The following MYH9 variants were observed in gnomAD, a reference collection of about 807,000 sequenced individuals.
MYH9 encodes myosin heavy chain 9, also known as myosin-9.
MYH9 carries 29 observed loss-of-function variants against 241.9 expected under a neutral mutation model. That is an observed-to-expected ratio of 0.12 (90% CI 0.09 to 0.16). MYH9 has a LOEUF of 0.16. MYH9 is among the 10% of genes least tolerant of loss of function. The pLI is 1.00. For synonymous variants in MYH9, 1,047 were observed against 1,062.6 expected, an observed-to-expected ratio of 0.99 and a Z score of 0.29; for missense variants, 1,803 against 2,595.5, an observed-to-expected ratio of 0.69 and a Z score of 6.63.
rs8138016 is a variant in MYH9, at chr22:36,306,103, G to A, written c.2038-52C>T. The A allele has an allele frequency of 0.016, 25,087 of 1,608,802 alleles. 378 individuals are homozygous for A. Among genetic ancestry groups the A allele is most frequent in the Middle Eastern group, 0.085 (517 of 6,056 alleles). On this transcript the variant is annotated intron_variant, in intron 16 of 40. Coordinates refer to ENST00000216181, the MANE Select transcript of MYH9 (RefSeq NM_002473.6). The surrounding 1 kb of genome is among the most constrained non-coding windows in gnomAD (Gnocchi z 4.1). Reference sequence around the variant, plus strand: ...TCTCACTTCCGTGCCTAGAACAGTCGGAGAATAGTCAGGGAACCCCTATGA... The same window carrying A: ...TCTCACTTCCGTGCCTAGAACAGTCAGAGAATAGTCAGGGAACCCCTATGA...
Position 36,352,760 on chromosome 22 carries a change from C to G in MYH9, c.-19-3505G>C, listed in dbSNP as rs182748375. ...AATGCATCCCACCAGGGACACCCCCCGCCTCCAAGGACCAAGGCTCCAGCT... is the reference window on the plus strand; with the variant it reads ...AATGCATCCCACCAGGGACACCCCCGGCCTCCAAGGACCAAGGCTCCAGCT... On this transcript the variant is annotated intron_variant, in intron 1 of 40. Coordinates refer to ENST00000216181, the MANE Select transcript of MYH9 (RefSeq NM_002473.6). Among the ~76,000 whole-genome samples, 39 of 152,340 alleles carry G rather than the reference C, an allele frequency of 2.6e-4. 1 individual carries two copies. The East Asian group carries it at 7.1e-3, about 28-fold the overall frequency.
rs774035987 is a variant in MYH9, at chr22:36,319,520, C to A, written c.1108+20G>T. ...CAAGCACCTGCCCCATTATTTCCAG[C>A]GAGAGGCCCCGGGTGTTACCTGTGT... On this transcript the variant is annotated intron_variant, in intron 10 of 40. Transcript: ENST00000216181. 2 of 1,612,590 alleles carry A rather than the reference C, an allele frequency of 1.2e-6. No homozygotes were observed. The highest frequency in any genetic ancestry group is 2.2e-5 in the South Asian group (2 of 91,014).
chr22:36,323,225 C>T (rs1338448781), intron 5 of MYH9, among the ~76,000 whole-genome samples: 1 of 152,214 alleles, frequency 6.6e-6, no homozygotes, highest in Non-Finnish European at 1.5e-5. Flanking sequence ...CGGGGCAGGA[C>T]AGAGCAGCCC....
chr22:36,372,907 G>A (rs973433864), intron 1 of MYH9, among the ~76,000 whole-genome samples: 18 of 151,930 alleles, frequency 1.2e-4, no homozygotes, highest in East Asian at 1.9e-4. Flanking sequence ...CTTGGAGGCC[G>A]AAAGAGGCAG....
chr22:36,327,342 G>A (rs1449396838), intron 4 of MYH9, 119 bp downstream of exon 4: 1 of 1,153,034 alleles, frequency 8.7e-7, no homozygotes, highest in Non-Finnish European at 1.3e-6. Flanking sequence ...AGTGGAGGAG[G>A]GGCCTTGAAT....
At position 36,298,980 on chromosome 22, in the gene MYH9, C is replaced by T. The variant is rs755319033; in HGVS notation, c.3039G>A (p.Glu1013=). 7.4e-6 allele frequency: 12 copies of T among 1,614,168 alleles called. No individual in the cohort carries two copies. The highest frequency in any genetic ancestry group is 3.3e-4 in the Middle Eastern group (2 of 6,062). ...EFTTNLTEEE[E]KSKSLAKLKN... ...TGAGCTTGGCGAGGCTCTTAGATTT[C>T]TCCTCCTCTTCTGTGAGGTTGGTGG... The change falls in exon 24 of 41, where the codon GAG becomes GAA. Residue 1013 remains glutamate (E), a synonymous_variant. Coordinates refer to ENST00000216181, the MANE Select transcript of MYH9 (RefSeq NM_002473.6).
rs368449674 is a variant in MYH9, at chr22:36,300,101, C to T, written c.2976+26G>A. 231 of 1,607,100 alleles carry T rather than the reference C, an allele frequency of 1.4e-4. 1 individual carries two copies. Among genetic ancestry groups the T allele is most frequent in the South Asian group, 7.4e-4 (67 of 91,082 alleles). On this transcript the variant is annotated intron_variant, in intron 23 of 40. Coordinates refer to ENST00000216181, the MANE Select transcript of MYH9 (RefSeq NM_002473.6). The surrounding 1 kb of genome is among the most constrained non-coding windows in gnomAD (Gnocchi z 5.0). ...CCCATCCACGGCGCCCCTGGAGCAGCGGCAGGCGACAGCCACGGGCCTCAC... is the reference window on the plus strand; with the variant it reads ...CCCATCCACGGCGCCCCTGGAGCAGTGGCAGGCGACAGCCACGGGCCTCAC...
chr22:36,284,651 G>A, intron 38 of MYH9, 140 bp from the exon 39 acceptor site: 1 of 789,874 alleles, frequency 1.3e-6, no homozygotes, highest in East Asian at 2.7e-5. Context: ...AGACACCTAT[G>A]TGTACCCGGC....
At chr22:36,297,075 T>C (rs191901711) in intron 24 of MYH9, 61 bp from the exon 25 acceptor site, 1 of 1,576,814 alleles carries the variant, frequency 6.3e-7, no homozygotes, top group East Asian at 2.2e-5. Flanking sequence ...CCGTGTCAAT[T>C]ACTTATACAA....
chr22:36,290,840 C>A (rs1411089702), intron 31 of MYH9, among the ~76,000 whole-genome samples: 1 of 151,900 alleles, frequency 6.6e-6, no homozygotes, highest in East Asian at 1.9e-4. Flanking sequence ...CCAGTGGCGA[C>A]CCCGTCTGGG....
At chr22:36,370,519 A>G (rs2018073586) in intron 1 of MYH9, among the ~76,000 whole-genome samples, 1 of 152,270 alleles carries the variant, frequency 6.6e-6, no homozygotes, top group Non-Finnish European at 1.5e-5. Context: ...CGCTGGGAAC[A>G]GTGGCATAAG....
intron 13 of MYH9, 29 bp downstream of exon 13, chr22:36,314,116 T>A: frequency 6.2e-7 from 1 of 1,607,088 alleles, no homozygotes; most frequent in Non-Finnish European, 8.5e-7. Context: ...CAGAGGCAGG[T>A]GTGAGGTCAA....
At chr22:36,343,407 G>A (rs769399581) in intron 2 of MYH9, among the ~76,000 whole-genome samples, 8 of 151,966 alleles carry the variant, frequency 5.3e-5, no homozygotes, top group South Asian at 2.1e-4. Flanking sequence ...AATTAGCTGC[G>A]TGTGGTGGCA....
intron 11 of MYH9, among the ~76,000 whole-genome samples, chr22:36,317,689 C>G (rs928419103): frequency 6.6e-6 from 1 of 152,248 alleles, no homozygotes; most frequent in African/African-American, 2.4e-5. Context: ...GCGGTCCGCA[C>G]TGGGCGGGAC....
chr22:36,380,044 G>A (rs2018232011), intron 1 of MYH9, among the ~76,000 whole-genome samples: 1 of 152,192 alleles, frequency 6.6e-6, no homozygotes, highest in East Asian at 1.9e-4. Flanking sequence ...ACAGATACAG[G>A]CCGCCCGCCC....
chr22:36,323,667 G>A (rs1297302213), intron 5 of MYH9, among the ~76,000 whole-genome samples: 3 of 152,134 alleles, frequency 2.0e-5, no homozygotes, highest in Non-Finnish European at 4.4e-5. Context: ...ACACTCTGGA[G>A]TCTAGCCGAG....
At chr22:36,342,089 G>A (rs1603483883) in intron 2 of MYH9, among the ~76,000 whole-genome samples, 1 of 152,240 alleles carries the variant, frequency 6.6e-6, no homozygotes, top group Admixed American at 6.5e-5. Flanking sequence ...GAATCTTCTA[G>A]AGACATTCAC....
chr22:36,324,186 C>T (rs936354734), intron 5 of MYH9, among the ~76,000 whole-genome samples: 16 of 152,236 alleles, frequency 1.1e-4, no homozygotes, highest in Non-Finnish European at 1.6e-4. Context: ...AAAGTGGGGC[C>T]GCGGGGCCAA....
At position 36,295,330 on chromosome 22, in the gene MYH9, T is replaced by C. The variant is rs1028647861; in HGVS notation, c.3485+175A>G. ...CTTTGAGCCAGGTCCTTCAACAGAC[T>C]TTCTACTCTGTAGAGAGAAACCGCT... On this transcript the variant is annotated intron_variant, in intron 26 of 40. Transcript: ENST00000216181. The surrounding 1 kb of genome is among the most constrained non-coding windows in gnomAD (Gnocchi z 4.1). Among the ~76,000 whole-genome samples, 1 of 152,046 alleles carries C rather than the reference T, an allele frequency of 6.6e-6. No homozygotes were observed. The highest frequency in any genetic ancestry group is 2.1e-4 in the South Asian group (1 of 4,770).
Sources: allele counts gnomAD v4.1 joint callset (sites outside exome capture counted in the v4.1 genomes callset), GRCh38; gene constraint gnomAD v4.1.1; non-coding constraint Gnocchi (gnomAD v3.1); transcripts MANE v1.5; gene names NCBI Gene and HGNC (gene_info 2026-07-23, HGNC 2026-07-21).